Variants in DACH2 observed in about 807,000 individuals in gnomAD.
DACH2 encodes dachshund family transcription factor 2, also known as dachshund homolog 2.
In DACH2, 17 loss-of-function variants were observed where a neutral mutation model predicts 35.8. That is an observed-to-expected ratio of 0.48 (90% CI 0.33 to 0.71). The LOEUF (loss-of-function observed/expected upper bound fraction) is 0.71. Ranked by LOEUF, DACH2 falls within the 30% of genes least tolerant of loss-of-function variation. The pLI is 0.02. For missense variants in DACH2, 469 were observed against 472.7 expected (o/e 0.99, Z 0.07); for synonymous variants, 195 against 177.3 (o/e 1.10, Z -0.79).
intron 4 of DACH2, among the ~76,000 whole-genome samples, chrX:86,657,920 C>A (rs909889352): frequency 9.9e-5 from 11 of 111,595 alleles, no homozygotes; most frequent in Admixed American, 1.9e-4. Context: ...ATTTTCTCAG[C>A]ATATTCCTTG....
chrX:86,816,058 T>C lies in DACH2; in HGVS notation c.1709T>C (p.Ile570Thr). Residue 570 changes from isoleucine to threonine, a missense_variant, in exon 11 of 12, where the codon ATA becomes ACA. By Grantham distance (89) the Ile-to-Thr change is moderately conservative. Around this residue, in one of 3 missense-constraint regions of DACH2, gnomAD observed 363 missense variants for 334.4 expected, o/e 1.09. Transcript: ENST00000373125. Reference protein sequence around the residue: ...LKDTGIPDIEIENNGTPHDSA... With the variant: ...LKDTGIPDIETENNGTPHDSA... ...GATACTGGAATTCCAGATATTGAAA[T>C]AGAAAACAATGGGACTCCTCATGAT... 1 of 1,190,715 alleles carries C rather than the reference T, an allele frequency of 8.4e-7. No individual in the cohort carries two copies. Among genetic ancestry groups the C allele is most frequent in the Non-Finnish European group, 1.1e-6 (1 of 885,017 alleles).
intron 2 of DACH2, among the ~76,000 whole-genome samples, chrX:86,397,625 C>A (rs1602474668): frequency 9.0e-6 from 1 of 111,600 alleles, no homozygotes; most frequent in Admixed American, 9.5e-5. Context: ...TGTCAAAGGC[C>A]TTTTCTGCAT....
intron 1 of DACH2, among the ~76,000 whole-genome samples, chrX:86,331,511 T>C (rs933776247): frequency 3.6e-5 from 4 of 111,347 alleles, no homozygotes; most frequent in African/African-American, 1.3e-4. Flanking sequence ...TAAGCCTGTC[T>C]GAAGTCTAAT....
In DACH2 at chrX:86,565,921, A is replaced by G. The variant is rs987001101; in HGVS notation, c.640+51530A>G. 8.9e-5 allele frequency among the ~76,000 whole-genome samples: 10 copies of G among 111,838 alleles called. No individual in the cohort carries two copies. In the East Asian group the frequency reaches 2.8e-3, roughly 32 times the overall value. On this transcript the variant is annotated intron_variant, in intron 3 of 11. Transcript: ENST00000373125. ...TTAATCTAGTTTCTTTTCTCTTTGG[A>G]AGTTATGGTTTGTGTAAAAAACATT...
chrX:86,207,507 A>G (rs2032342352), intron 1 of DACH2, among the ~76,000 whole-genome samples: 1 of 111,218 alleles, frequency 9.0e-6, no homozygotes, highest in Admixed American at 9.6e-5. Context: ...GCCTGTATCA[A>G]AATATGTTGT....
intron 7 of DACH2, among the ~76,000 whole-genome samples, chrX:86,805,252 C>T (rs1167835651): frequency 4.4e-5 from 5 of 112,776 alleles, no homozygotes; most frequent in Non-Finnish European, 9.4e-5. Flanking sequence ...ATGAAAGCGG[C>T]CAAGGCTTAT....
chrX:86,541,411 G>A (rs916167025), intron 3 of DACH2, among the ~76,000 whole-genome samples: 1 of 110,392 alleles, frequency 9.1e-6, no homozygotes, highest in African/African-American at 3.3e-5. Flanking sequence ...TCCTTTAATA[G>A]ACACTGAATA....
chrX:86,450,836 T>C (rs956885559), intron 2 of DACH2, among the ~76,000 whole-genome samples: 2 of 111,637 alleles, frequency 1.8e-5, no homozygotes, highest in Non-Finnish European at 3.8e-5. Context: ...GTTGAGCTTT[T>C]AAAAATATGT....
At chrX:86,298,176 C>T (rs1229508494) in intron 1 of DACH2, among the ~76,000 whole-genome samples, 1 of 111,637 alleles carries the variant, frequency 9.0e-6, no homozygotes, top group African/African-American at 3.3e-5. Flanking sequence ...TAGTGTGTTG[C>T]AGCATCATTA....
At chrX:86,729,533 A>G (rs1363309456) in intron 6 of DACH2, among the ~76,000 whole-genome samples, 1 of 111,524 alleles carries the variant, frequency 9.0e-6, no homozygotes, top group East Asian at 2.8e-4. Context: ...TTGCAATGTG[A>G]AAAGGACATG....
At chrX:86,629,072 A>G (rs1250048972) in intron 3 of DACH2, among the ~76,000 whole-genome samples, 1 of 111,736 alleles carries the variant, frequency 8.9e-6, no homozygotes, top group Non-Finnish European at 1.9e-5. Flanking sequence ...TATTTTGCCA[A>G]GTATTGCTGG....
chrX:86,334,919 T>C (rs575193632), intron 1 of DACH2, among the ~76,000 whole-genome samples: 2 of 112,383 alleles, frequency 1.8e-5, no homozygotes, highest in South Asian at 7.3e-4. Context: ...TTAATCCATC[T>C]TGATTTAATT....
intron 1 of DACH2, among the ~76,000 whole-genome samples, chrX:86,268,413 A>G (rs186155445): frequency 8.9e-6 from 1 of 112,119 alleles, no homozygotes; most frequent in Admixed American, 9.5e-5. Flanking sequence ...AGCACAAAAA[A>G]GCAAAGCAAT....
intron 11 of DACH2, chrX:86,831,328 T>TTAAG (rs1327935826): frequency 9.0e-6 from 1 of 111,256 alleles, no homozygotes; most frequent in African/African-American, 3.3e-5. Context: ...AACATTATCT[T>TTAAG]TAAGTATTTC....
At chrX:86,159,199 G>A (rs1468254259) in intron 1 of DACH2, among the ~76,000 whole-genome samples, 2 of 111,501 alleles carry the variant, frequency 1.8e-5, no homozygotes, top group African/African-American at 6.5e-5. Context: ...CTCAATCTTA[G>A]AGCATCATTT....
At chrX:86,326,929 G>A (rs1041898490) in intron 1 of DACH2, among the ~76,000 whole-genome samples, 10 of 111,228 alleles carry the variant, frequency 9.0e-5, no homozygotes, top group Non-Finnish European at 1.7e-4. Flanking sequence ...ACCATCAATC[G>A]GTTCATGTAT....
chrX:86,155,303 C>A (rs1032159116), intron 1 of DACH2, among the ~76,000 whole-genome samples: 2 of 110,312 alleles, frequency 1.8e-5, no homozygotes, highest in African/African-American at 6.6e-5. Flanking sequence ...GTGTATTCAT[C>A]ATTTATTCAC....
intron 1 of DACH2, among the ~76,000 whole-genome samples, chrX:86,321,176 G>T (rs755002717): frequency 2.7e-5 from 3 of 111,414 alleles, no homozygotes; most frequent in Non-Finnish European, 5.6e-5. Context: ...GAGGGTCTTA[G>T]TGCCTTCCTG....
intron 2 of DACH2, among the ~76,000 whole-genome samples, chrX:86,449,901 G>T (rs1326994772): frequency 9.0e-6 from 1 of 111,081 alleles, no homozygotes; most frequent in Non-Finnish European, 1.9e-5. Flanking sequence ...ACATACTTAT[G>T]ATATGTGATT....
Sources: gnomAD v4.1 joint callset for allele counts (sites outside exome capture counted in the v4.1 genomes callset) on GRCh38, gnomAD v4.1.1 for gene constraint, gnomAD v4.1.1 regional missense constraint, MANE v1.5 for transcripts, NCBI Gene and HGNC (gene_info 2026-07-23, HGNC 2026-07-21) for gene names.